The following DNAH7 variants were observed in gnomAD, a reference collection of about 807,000 sequenced individuals.
The protein encoded by DNAH7 is dynein axonemal heavy chain 7, also known as axonemal beta dynein heavy chain 7.
DNAH7 carries 397 observed loss-of-function variants against 444.6 expected under a neutral mutation model. The observed-to-expected ratio is 0.89, with a 90% CI of 0.82 to 0.97. The LOEUF (loss-of-function observed/expected upper bound fraction) is 0.97. Ranked by LOEUF, DNAH7 falls within the 50% of genes least tolerant of loss-of-function variation. DNAH7 has a pLI of 0.00. For synonymous variants in DNAH7, 1,636 were observed against 1,624.4 expected (o/e 1.01, Z -0.17); for missense variants, 4,902 against 4,800.8 (o/e 1.02, Z -0.62).
At chr2:195,761,876 A>G (rs934219703) in intron 61 of DNAH7, among the ~76,000 whole-genome samples, 1 of 152,232 alleles carries the variant, frequency 6.6e-6, no homozygotes, top group African/African-American at 2.4e-5. Flanking sequence ...TAAATGAGCA[A>G]TAAGAAATTA....
chr2:196,006,072 G>A (rs1298479805), intron 10 of DNAH7, among the ~76,000 whole-genome samples: 2 of 152,138 alleles, frequency 1.3e-5, no homozygotes, highest in Non-Finnish European at 2.9e-5. Context: ...CCAACACTTT[G>A]GGAGGCTGAG....
intron 24 of DNAH7, among the ~76,000 whole-genome samples, chr2:195,910,994 CA>C (rs1351466405): frequency 6.6e-6 from 1 of 152,130 alleles, no homozygotes; most frequent in Non-Finnish European, 1.5e-5. Context: ...GAGTCTTCCT[CA>C]GAGATAAATA....
intron 47 of DNAH7, among the ~76,000 whole-genome samples, chr2:195,841,205 G>A (rs557470391): frequency 6.6e-6 from 1 of 151,446 alleles, no homozygotes; most frequent in South Asian, 2.1e-4. Context: ...TGGAACAATT[G>A]TATATTTTCT....
At chr2:195,887,729 A>C (rs1325424932) in intron 33 of DNAH7, among the ~76,000 whole-genome samples, 1 of 152,190 alleles carries the variant, frequency 6.6e-6, no homozygotes, top group Non-Finnish European at 1.5e-5. Flanking sequence ...TGTAATTTCC[A>C]GCTAGAGAGA....
intron 52 of DNAH7, 116 bp from the exon 53 acceptor site, chr2:195,808,992 T>C (rs1352921279): frequency 3.7e-6 from 3 of 817,956 alleles, no homozygotes; most frequent in East Asian, 2.7e-5. Flanking sequence ...GTGGTCTCTA[T>C]GAAATTCTAT....
At chr2:196,019,889 T>C (rs1477923929) in intron 8 of DNAH7, among the ~76,000 whole-genome samples, 1 of 152,050 alleles carries the variant, frequency 6.6e-6, no homozygotes, top group Non-Finnish European at 1.5e-5. Context: ...GTGGATTTTC[T>C]TCCACTTCTA....
At chr2:195,740,911 G>T in intron 63 of DNAH7, 42 bp from the exon 64 acceptor site, 2 of 1,240,784 alleles carry the variant, frequency 1.6e-6, no homozygotes, top group Non-Finnish European at 2.2e-6. Flanking sequence ...CTTGAAATAT[G>T]CATTTTGATT....
At chr2:195,862,032 G>A in intron 41 of DNAH7, 86 bp from the exon 42 acceptor site, 2 of 1,022,552 alleles carry the variant, frequency 2.0e-6, no homozygotes, top group Non-Finnish European at 3.0e-6. Context: ...ACTTATGGAT[G>A]TTGGGGGTGA....
chr2:195,940,342 C>T (rs1689341857), intron 19 of DNAH7, among the ~76,000 whole-genome samples: 1 of 152,084 alleles, frequency 6.6e-6, no homozygotes, highest in African/African-American at 2.4e-5. Context: ...GAAACTGGAC[C>T]CCTTCCTTAC....
chr2:195,785,573 T>C (rs976824218), intron 58 of DNAH7, among the ~76,000 whole-genome samples: 3 of 150,082 alleles, frequency 2.0e-5, no homozygotes, highest in Non-Finnish European at 4.4e-5. Flanking sequence ...CCTCCATTCC[T>C]AGTTTACTGA....
chr2:195,795,119 G>A (rs761571907), intron 56 of DNAH7, among the ~76,000 whole-genome samples: 4 of 152,146 alleles, frequency 2.6e-5, no homozygotes, highest in Non-Finnish European at 5.9e-5. Context: ...GATGGCTCAC[G>A]CCTGTAATCC....
intron 35 of DNAH7, 42 bp downstream of exon 35, chr2:195,884,543 C>G: frequency 1.3e-6 from 2 of 1,488,086 alleles, no homozygotes; most frequent in Non-Finnish European, 1.9e-6. Context: ...AGAGGGGACT[C>G]TGCCAGGCTG....
intron 42 of DNAH7, among the ~76,000 whole-genome samples, chr2:195,860,333 T>C (rs1480728861): frequency 6.6e-6 from 1 of 152,122 alleles, no homozygotes; most frequent in African/African-American, 2.4e-5. Flanking sequence ...CAAGAGCTTT[T>C]GATCCTCCTG....
intron 49 of DNAH7, among the ~76,000 whole-genome samples, chr2:195,821,269 A>C (rs1040977607): frequency 6.6e-6 from 1 of 152,112 alleles, no homozygotes; most frequent in African/African-American, 2.4e-5. Flanking sequence ...AATTGTTTGC[A>C]TTGCCAAGGC....
chr2:195,954,100 A>C lies in DNAH7; in HGVS notation c.3078+3161T>G, dbSNP rs1353902230. Among the ~76,000 whole-genome samples the C allele has an allele frequency of 7.2e-5, 11 of 152,168 alleles. 1 individual carries two copies. The highest frequency in any genetic ancestry group is 1.6e-4 in the Non-Finnish European group (11 of 68,034). On this transcript the variant is annotated intron_variant, in intron 19 of 64. Transcript: ENST00000312428. ...ATGCAGGTTTGTTACATATGTATACATGTGCCATGTTGGTGTGCTGCACCC... is the reference window on the plus strand; with the variant it reads ...ATGCAGGTTTGTTACATATGTATACCTGTGCCATGTTGGTGTGCTGCACCC...
chr2:195,790,938 T>C (rs924008629), intron 57 of DNAH7, among the ~76,000 whole-genome samples: 6 of 152,148 alleles, frequency 3.9e-5, no homozygotes, highest in Admixed American at 2.6e-4. Flanking sequence ...TTGCAAACTA[T>C]GTATCTGACA....
chr2:195,862,483 G>T (rs1700078264), intron 41 of DNAH7, among the ~76,000 whole-genome samples: 1 of 152,060 alleles, frequency 6.6e-6, no homozygotes, highest in African/African-American at 2.4e-5. Context: ...ATCAGCTCAT[G>T]TCACACTCCC....
rs16844323 is a variant in DNAH7, at chr2:196,052,494, A to G, written c.79-1245T>C. Among the ~76,000 whole-genome samples, 158 of 152,368 alleles carry G rather than the reference A, an allele frequency of 1.0e-3. No individual in the cohort carries two copies. In the East Asian group the frequency reaches 0.03, roughly 29 times the overall value. On this transcript the variant is annotated intron_variant, in intron 2 of 64. Coordinates refer to ENST00000312428, the MANE Select transcript of DNAH7 (RefSeq NM_018897.3). Reference sequence around the variant, plus strand: ...TTATCAATGTTTATATATTGATTAGAGCATATTTTATGTTGATTACCATAT... The same window carrying G: ...TTATCAATGTTTATATATTGATTAGGGCATATTTTATGTTGATTACCATAT...
chr2:196,002,453 T>C (rs1185909031), intron 10 of DNAH7, among the ~76,000 whole-genome samples: 1 of 152,214 alleles, frequency 6.6e-6, no homozygotes, highest in African/African-American at 2.4e-5. Flanking sequence ...TACAGTGTAA[T>C]TTCATATATA....
Sources: gnomAD v4.1 joint callset for allele counts (sites outside exome capture counted in the v4.1 genomes callset) on GRCh38, gnomAD v4.1.1 for gene constraint, MANE v1.5 for transcripts, NCBI Gene and HGNC (gene_info 2026-07-23, HGNC 2026-07-21) for gene names.